The following FGF5 variants were observed in gnomAD, a reference collection of about 807,000 sequenced individuals.
FGF5 encodes heparin-binding growth factor 5.
FGF5 carries 23 observed loss-of-function variants against 21.8 expected under a neutral mutation model. The observed-to-expected ratio is 1.05, with a 90% CI of 0.76 to 1.49. The LOEUF is 1.49. FGF5 is among the 40% of genes most tolerant of loss of function. The pLI is 0.00. For missense variants in FGF5, 352 were observed against 332.9 expected, an observed-to-expected ratio of 1.06 and a Z score of -0.45; for synonymous variants, 158 against 124.0, an observed-to-expected ratio of 1.27 and a Z score of -1.82.
intron 1 of FGF5, among the ~76,000 whole-genome samples, chr4:80,271,574 A>G (rs1720273751): frequency 6.6e-6 from 1 of 152,166 alleles, no homozygotes; most frequent in African/African-American, 2.4e-5. Flanking sequence ...GAGAGTACTA[A>G]GACACCTGTC....
rs1009758004 is a variant in FGF5, at chr4:80,288,118, T to C, written c.*1446T>C. On this transcript the variant is annotated 3_prime_UTR_variant, in exon 3 of 3. Transcript: ENST00000312465. ...AAGGCATAGCTAAAGGCTAAACATA[T>C]GGCTTTAGTAGTAACAAAAGGGTTC... is the stretch of plus-strand genomic sequence containing the variant. 1 of 152,190 alleles carries C rather than the reference T, an allele frequency of 6.6e-6. No individual in the cohort carries two copies. The highest frequency in any genetic ancestry group is 1.5e-5 in the Non-Finnish European group (1 of 68,026). The allele number at this position is 152,190 out of a possible 1,614,324, so 9.4% of individuals were successfully genotyped here. A position where few individuals can be genotyped will look rare whatever the true frequency, so the allele number is the denominator to read the frequency against.
rs529716811 is a variant in FGF5 at position 80,290,075 on chromosome 4, G to A, written c.*3403G>A. 17 of 151,768 alleles carry A rather than the reference G, an allele frequency of 1.1e-4. No individual in the cohort carries two copies. Among genetic ancestry groups the A allele is most frequent in the Non-Finnish European group, 1.5e-4 (10 of 67,928 alleles). The allele number at this position is 151,768 out of a possible 1,614,324, so 9.4% of individuals were successfully genotyped here. A position where few individuals can be genotyped will look rare whatever the true frequency, so the allele number is the denominator to read the frequency against. ...CTTATCCCATTTTCAATAACAAAAC[G>A]AAACTATGGCACTAACCAAAAACTT... On this transcript the variant is annotated 3_prime_UTR_variant, in exon 3 of 3. Coordinates refer to ENST00000312465, the MANE Select transcript of FGF5 (RefSeq NM_004464.4).
At chr4:80,282,396 A>G (rs1462783790) in intron 2 of FGF5, among the ~76,000 whole-genome samples, 1 of 152,136 alleles carries the variant, frequency 6.6e-6, no homozygotes, top group East Asian at 1.9e-4. Context: ...AGTACAAAAA[A>G]CGCTGATTTT....
intron 2 of FGF5, among the ~76,000 whole-genome samples, chr4:80,278,747 C>G (rs1055978303): frequency 2.0e-5 from 3 of 152,150 alleles, no homozygotes. Context: ...AGCCCCTGAT[C>G]TACAGGCAGC....
rs1276473811 is a variant in FGF5 at position 80,286,699 on chromosome 4, A to G, written c.*27A>G. ...ATTCCTCTTGGCCTTGTGAGAAACCATTCTTTCCCCTCAGGAGTTTCTATA... is the reference window on the plus strand; with the variant it reads ...ATTCCTCTTGGCCTTGTGAGAAACCGTTCTTTCCCCTCAGGAGTTTCTATA... On this transcript the variant is annotated 3_prime_UTR_variant, in exon 3 of 3. Coordinates refer to ENST00000312465, the MANE Select transcript of FGF5 (RefSeq NM_004464.4). 1 of 1,577,846 alleles carries G rather than the reference A, an allele frequency of 6.3e-7. No individual in the cohort carries two copies. Among genetic ancestry groups the G allele is most frequent in the South Asian group, 1.1e-5 (1 of 89,748 alleles).
At position 80,289,987 on chromosome 4, in the gene FGF5, G is replaced by A. The variant is rs1720848751; in HGVS notation, c.*3315G>A. ...TTAAATCAATCTTGAAATAGAAAAT[G>A]TAATAACTTTCTTACCATTAACATT... On this transcript the variant is annotated 3_prime_UTR_variant, in exon 3 of 3. Coordinates refer to ENST00000312465, the MANE Select transcript of FGF5 (RefSeq NM_004464.4). 1 of 152,000 alleles carries A rather than the reference G, an allele frequency of 6.6e-6. No homozygotes were observed. Among genetic ancestry groups the A allele is most frequent in the Admixed American group, 6.6e-5 (1 of 15,250 alleles). 9.4% of individuals were successfully genotyped at this position (152,000 alleles called of 1,614,324 possible).
intron 1 of FGF5, among the ~76,000 whole-genome samples, chr4:80,272,740 A>T (rs967191273): frequency 6.6e-6 from 1 of 152,112 alleles, no homozygotes; most frequent in African/African-American, 2.4e-5. Flanking sequence ...ATTGGAGGAA[A>T]TATACAATCA....
In FGF5 at chr4:80,286,327, C is replaced by T; in HGVS notation, c.462C>T (p.Ala154=). The T allele has an allele frequency of 6.3e-7, 1 of 1,574,902 alleles. No homozygotes were observed. The highest frequency in any genetic ancestry group is 1.7e-4 in the Middle Eastern group (1 of 5,812). ...MSKKGKLHAS[A]KFTDDCKFRE... ...TCCTCTTTTTTTCTCCTCCTTAGGC[C>T]AAGTTCACAGATGACTGCAAGTTCA... is the stretch of plus-strand genomic sequence containing the variant. Residue 154 remains alanine (A), a splice_region_variant and synonymous_variant, in exon 3 of 3, where the codon GCC becomes GCT. Coordinates refer to ENST00000312465, the MANE Select transcript of FGF5 (RefSeq NM_004464.4).
chr4:80,270,212 CTTTT>C (rs2109917373), intron 1 of FGF5, among the ~76,000 whole-genome samples: 1 of 152,328 alleles, frequency 6.6e-6, no homozygotes, highest in East Asian at 1.9e-4. Flanking sequence ...AAAACCTATT[CTTTT>C]TGTTACAACC....
intron 2 of FGF5, among the ~76,000 whole-genome samples, chr4:80,284,263 G>A (rs543556141): frequency 6.1e-4 from 93 of 152,000 alleles, no homozygotes; most frequent in Non-Finnish European, 1.2e-3. Flanking sequence ...GTGAAACCCC[G>A]TCTCTACTAA....
At position 80,286,482 on chromosome 4, in the gene FGF5, T is replaced by G; in HGVS notation, c.617T>G (p.Val206Gly). Residue 206 changes from valine (V) to glycine (G), a missense_variant, in exon 3 of 3, where the codon GTT (valine) becomes GGT (glycine). Coordinates refer to ENST00000312465, the MANE Select transcript of FGF5 (RefSeq NM_004464.4). ...GKAKRGCSPR[V>G]KPQHISTHFL... ...GCCAAACGAGGGTGCAGCCCCCGGGTTAAACCCCAGCATATCTCTACCCAT... is the reference window on the plus strand; with the variant it reads ...GCCAAACGAGGGTGCAGCCCCCGGGGTAAACCCCAGCATATCTCTACCCAT... 1 of 1,613,894 alleles carries G rather than the reference T, an allele frequency of 6.2e-7. No homozygotes were observed. The highest frequency in any genetic ancestry group is 8.5e-7 in the Non-Finnish European group (1 of 1,179,960).
rs1720781853 is a variant in FGF5 at position 80,287,895 on chromosome 4, TGGCCTTTTGATAGA to T, written c.*1226_*1239del. ...AACTTCTGATGTTTATTAAAAAAAC[TGGCCTTTTGATAGA>T]GGTAACTTAATTTGGGAATTTGTTG... On this transcript the variant is annotated 3_prime_UTR_variant, in exon 3 of 3. Transcript: ENST00000312465. 1 of 152,170 alleles carries T rather than the reference TGGCCTTTTGATAGA, an allele frequency of 6.6e-6. No homozygotes were observed. The highest frequency in any genetic ancestry group is 6.6e-5 in the Admixed American group (1 of 15,264). The allele number at this position is 152,170 out of a possible 1,614,324, so 9.4% of individuals were successfully genotyped here. A position where few individuals can be genotyped will look rare whatever the true frequency, so the allele number is the denominator to read the frequency against.
intron 2 of FGF5, among the ~76,000 whole-genome samples, chr4:80,282,733 ATC>A (rs1390978406): frequency 6.6e-6 from 1 of 152,234 alleles, no homozygotes; most frequent in East Asian, 1.9e-4. Flanking sequence ...AATTTGATTC[ATC>A]TCTCTACTTC....
At chr4:80,285,026 G>T (rs1720668994) in intron 2 of FGF5, among the ~76,000 whole-genome samples, 1 of 152,026 alleles carries the variant, frequency 6.6e-6, no homozygotes, top group South Asian at 2.1e-4. Flanking sequence ...AATTCTTTGG[G>T]GGTTATGGGC....
At chr4:80,271,283 G>C (rs757431759) in intron 1 of FGF5, among the ~76,000 whole-genome samples, 1 of 151,436 alleles carries the variant, frequency 6.6e-6, no homozygotes, top group Admixed American at 6.6e-5. Context: ...TTTTTTTTAC[G>C]GAAGTAAGCT....
In FGF5 at chr4:80,274,911, GT is replaced by G; in HGVS notation, c.362del (p.Leu121TrpfsTer11). On this transcript the variant is annotated frameshift_variant, in exon 2 of 3. Transcript: ENST00000312465. LOFTEE classifies it high-confidence loss of function. The part of the protein sequence containing the change: ...NGSHEANMLS[V>X]LEIFAVSQGI... ...TTTTGGGATTTCTGTCATCCTAGGT[GT>G]TTTGGAAATATTTGCTGTGTCTCAG... is the stretch of plus-strand genomic sequence containing the variant. 1 of 1,496,126 alleles carries G rather than the reference GT, an allele frequency of 6.7e-7. No individual in the cohort carries two copies. The highest frequency in any genetic ancestry group is 9.3e-7 in the Non-Finnish European group (1 of 1,079,022). 92.7% of individuals were successfully genotyped at this position (1,496,126 alleles called of 1,614,324 possible).
At chr4:80,274,631 A>G (rs1720360141) in intron 1 of FGF5, among the ~76,000 whole-genome samples, 1 of 152,096 alleles carries the variant, frequency 6.6e-6, no homozygotes, top group African/African-American at 2.4e-5. Context: ...AGAAAACTTC[A>G]TGCTCATTGT....
chr4:80,285,812 C>T (rs1396393857), intron 2 of FGF5, among the ~76,000 whole-genome samples: 1 of 152,142 alleles, frequency 6.6e-6, no homozygotes, highest in African/African-American at 2.4e-5. Flanking sequence ...TATGCTACTT[C>T]TCTCTCAGCA....
intron 1 of FGF5, chr4:80,268,622 G>C: frequency 1.7e-6 from 1 of 583,050 alleles, no homozygotes; most frequent in Non-Finnish European, 2.2e-6. Flanking sequence ...GCCTAATGCG[G>C]AAGACCTGAT....
Sources: gnomAD v4.1 joint callset for allele counts (sites outside exome capture counted in the v4.1 genomes callset) on GRCh38, gnomAD v4.1.1 for gene constraint, MANE v1.5 for transcripts, NCBI Gene and HGNC (gene_info 2026-07-23, HGNC 2026-07-21) for gene names.